Variants in SLC44A2 observed in about 807,000 individuals in gnomAD.
SLC44A2 encodes the protein solute carrier family 44 member 2 (CTL2 blood group), also known as choline transporter-like protein 2.
SLC44A2 carries 57 observed loss-of-function variants against 90.8 expected under a neutral mutation model. That is an observed-to-expected ratio of 0.63 (90% confidence interval 0.51 to 0.78). The LOEUF (loss-of-function observed/expected upper bound fraction) is 0.78, where lower values mean the gene tolerates loss of function less well. Ranked by LOEUF, SLC44A2 falls within the 30% of genes least tolerant of loss-of-function variation. The probability of loss-of-function intolerance (pLI) is 0.00; values close to 1 mark genes in which losing one functional copy is unlikely to be tolerated. For missense variants in SLC44A2, 794 were observed against 919.7 expected, an observed-to-expected ratio of 0.86 and a Z score of 1.77; for synonymous variants, 355 against 360.7, an observed-to-expected ratio of 0.98 and a Z score of 0.18.
At chr19:10,632,799 A>G (rs962412962) in intron 10 of SLC44A2, among the ~76,000 whole-genome samples, 3 of 151,152 alleles carry the variant, frequency 2.0e-5, no homozygotes, top group East Asian at 2.0e-4. Context: ...CAGCCTCCCA[A>G]GTAGCTGGGA....
Position 10,635,143 on chromosome 19 carries a change from G to A in SLC44A2, c.1056-20G>A. 6.2e-7 allele frequency: 1 copy of A among 1,613,930 alleles called. No homozygotes were observed. The highest frequency in any genetic ancestry group is 8.5e-7 in the Non-Finnish European group (1 of 1,179,950). On this transcript the variant is annotated intron_variant, in intron 12 of 21. Coordinates refer to ENST00000335757, the MANE Select transcript of SLC44A2 (RefSeq NM_020428.4). Reference sequence around the variant, plus strand: ...AGTTGTGTCTTTTGCCCTGACGCCTGTGTCTCTGCTCTTCCCTAGGGCTGT... The same window carrying A: ...AGTTGTGTCTTTTGCCCTGACGCCTATGTCTCTGCTCTTCCCTAGGGCTGT...
chr19:10,625,194 C>A (rs1210005238), upstream of SLC44A2: 2 of 171,292 alleles, frequency 1.2e-5, no homozygotes, highest in African/African-American at 2.4e-5. Context: ...GAGAAGTTTT[C>A]AGCACCAACA....
intron 1 of SLC44A2, 95 bp from the exon 2 acceptor site, chr19:10,626,158 A>G (rs2066930982): frequency 9.9e-7 from 1 of 1,011,790 alleles, no homozygotes; most frequent in Non-Finnish European, 1.6e-6. Flanking sequence ...TTGCCAAGGC[A>G]AAGACACCCC....
intron 1 of SLC44A2, among the ~76,000 whole-genome samples, chr19:10,609,858 G>C (rs534535061): frequency 6.6e-6 from 1 of 151,896 alleles, no homozygotes; most frequent in Admixed American, 6.6e-5. Context: ...CCAGGCTGAA[G>C]GGCAGGGCAC....
chr19:10,607,967 G>A (rs1477592955), intron 1 of SLC44A2, among the ~76,000 whole-genome samples: 2 of 142,868 alleles, frequency 1.4e-5, no homozygotes, highest in East Asian at 2.0e-4. Context: ...CCGTGGTCTC[G>A]ATCTCCTGAC....
At chr19:10,619,989 T>C (rs1045344384) in intron 1 of SLC44A2, among the ~76,000 whole-genome samples, 1 of 151,496 alleles carries the variant, frequency 6.6e-6, no homozygotes, top group Non-Finnish European at 1.5e-5. Context: ...CTGGGCAACA[T>C]GGTGAAATCC....
intron 20 of SLC44A2, chr19:10,640,889 A>G: frequency 4.7e-6 from 1 of 212,752 alleles, no homozygotes. Context: ...GATTGAGACC[A>G]TCCTGGCTAA....
intron 10 of SLC44A2, among the ~76,000 whole-genome samples, chr19:10,632,590 T>G (rs1296041412): frequency 1.3e-5 from 2 of 150,660 alleles, no homozygotes; most frequent in African/African-American, 4.9e-5. Flanking sequence ...GGATGCATAC[T>G]CTGGTATCAG....
intron 1 of SLC44A2, among the ~76,000 whole-genome samples, chr19:10,610,891 C>T (rs1039405811): frequency 6.6e-6 from 1 of 151,358 alleles, no homozygotes; most frequent in Non-Finnish European, 1.5e-5. Context: ...CCGCTCGCCT[C>T]GGCCTCCCAA....
rs749277617 is a variant in SLC44A2, at chr19:10,636,648, C to T, written c.1497-14C>T. The T allele has an allele frequency of 1.2e-6, 2 of 1,612,020 alleles. No individual in the cohort carries two copies. Among genetic ancestry groups the T allele is most frequent in the South Asian group, 2.2e-5 (2 of 90,996 alleles). On this transcript the variant is annotated splice_polypyrimidine_tract_variant and intron_variant, in intron 15 of 21. Transcript: ENST00000335757. ...AGGCCTGGCCCAGCCACCGACCACT[C>T]CCTCGGCCCGCAGGTACCACACAGG... is the stretch of plus-strand genomic sequence containing the variant.
chr19:10,643,433 T>C lies in SLC44A2; in HGVS notation c.*48T>C, dbSNP rs893740909. On this transcript the variant is annotated 3_prime_UTR_variant, in exon 22 of 22. Coordinates refer to ENST00000335757, the MANE Select transcript of SLC44A2 (RefSeq NM_020428.4). The stretch of plus-strand genomic sequence containing the variant: ...CAAGGAGTCTCATGCCGCAGGGTGC[T>C]CAGTAGCTGGGTCTGTTCCCCCAGC... 6 of 1,570,562 alleles carry C rather than the reference T, an allele frequency of 3.8e-6. No homozygotes were observed. The African/African-American group carries it at 8.1e-5, about 21-fold the overall frequency.
intron 10 of SLC44A2, 107 bp downstream of exon 10, chr19:10,632,263 G>A (rs193012666): frequency 1.0e-5 from 10 of 999,764 alleles, no homozygotes; most frequent in Admixed American, 2.0e-5. Flanking sequence ...CAGGCCGGGC[G>A]TGGTGGCTCA....
chr19:10,602,494 C>A (rs1300344302), upstream of SLC44A2: 4 of 1,239,780 alleles, frequency 3.2e-6, no homozygotes, highest in South Asian at 3.1e-5. Context: ...GCTGGGGTCG[C>A]GCTGGCTCGG....
chr19:10,641,271 G>A, intron 20 of SLC44A2: 1 of 371,958 alleles, frequency 2.7e-6, no homozygotes, highest in South Asian at 2.0e-5. Flanking sequence ...GAACATGCCT[G>A]TAGTCCCAGC....
chr19:10,631,234 C>A, intron 5 of SLC44A2, 41 bp from the exon 6 acceptor site: 1 of 1,609,224 alleles, frequency 6.2e-7, no homozygotes, highest in South Asian at 1.1e-5. Flanking sequence ...CCTGAGCAGT[C>A]TGCCCCAACT....
At chr19:10,638,202 A>T (rs768050251) in intron 19 of SLC44A2, 25 bp from the exon 20 acceptor site, 2 of 1,613,624 alleles carry the variant, frequency 1.2e-6, no homozygotes, top group Non-Finnish European at 1.7e-6. Context: ...ACCCTTCGCC[A>T]TCTTGCTTTC....
chr19:10,602,464 G>A, upstream of SLC44A2: 3 of 1,116,146 alleles, frequency 2.7e-6, no homozygotes, highest in Non-Finnish European at 3.3e-6. Flanking sequence ...TGCAGCCCGC[G>A]GAGCCTCCCG....
At chr19:10,631,571 C>T (rs369618308) in intron 7 of SLC44A2, 36 bp downstream of exon 7, 77 of 1,613,892 alleles carry the variant, frequency 4.8e-5, no homozygotes, top group African/African-American at 1.1e-4. Flanking sequence ...CAGGTGGTGA[C>T]GGGGAGGCTC....
intron 20 of SLC44A2, chr19:10,641,052 A>G (rs1035266709): frequency 2.4e-6 from 1 of 421,814 alleles, no homozygotes; most frequent in African/African-American, 2.2e-5. Context: ...CCACCACTGC[A>G]CTCCAGCCTG....
Sources: allele counts gnomAD v4.1 joint callset (sites outside exome capture counted in the v4.1 genomes callset), GRCh38; gene constraint gnomAD v4.1.1; transcripts MANE v1.5; gene names NCBI Gene and HGNC (gene_info 2026-07-23, HGNC 2026-07-21).